CNTNAP5: variants seen among roughly 807,000 people sequenced by gnomAD.
CNTNAP5 encodes the protein contactin associated protein family member 5, also known as contactin-associated protein-like 5.
CNTNAP5 carries 72 observed loss-of-function variants against 150.2 expected under a neutral mutation model. The ratio of observed to expected loss-of-function variants is 0.48; its 90% CI spans 0.40 to 0.58. The LOEUF (loss-of-function observed/expected upper bound fraction) is 0.58, where lower values mean the gene tolerates loss of function less well. Ranked by LOEUF, CNTNAP5 falls within the 20% of genes least tolerant of loss-of-function variation. CNTNAP5 has a pLI of 0.00. For missense variants in CNTNAP5, 1,636 were observed against 1,626.2 expected (o/e 1.01, Z -0.10); for synonymous variants, 672 against 619.8 (o/e 1.08, Z -1.25).
In CNTNAP5 at chr2:124,262,765, C is replaced by T. The variant is rs146013767; in HGVS notation, c.381+20372C>T. The stretch of plus-strand genomic sequence containing the variant: ...GCTGCACCGATTAACTTGTCATTTA[C>T]ATTGGGTATATCTCCTAATGCTTTC... On this transcript the variant is annotated intron_variant, in intron 3 of 23. Transcript: ENST00000682447. Among the ~76,000 whole-genome samples the T allele has an allele frequency of 1.5e-3, 232 of 151,700 alleles. 4 individuals carry two copies. The East Asian group carries it at 0.042, about 28-fold the overall frequency.
At chr2:124,324,469 T>G (rs931004500) in intron 3 of CNTNAP5, among the ~76,000 whole-genome samples, 2 of 152,078 alleles carry the variant, frequency 1.3e-5, no homozygotes. Flanking sequence ...GGAGTGAGAT[T>G]TGCGGTAAAT....
intron 11 of CNTNAP5, among the ~76,000 whole-genome samples, chr2:124,578,644 C>T (rs774732527): frequency 1.4e-4 from 22 of 152,018 alleles, no homozygotes; most frequent in African/African-American, 5.1e-4. Flanking sequence ...CGGTGGTGCA[C>T]GCCTATAGTC....
intron 12 of CNTNAP5, among the ~76,000 whole-genome samples, chr2:124,610,688 C>T (rs957272663): frequency 1.3e-5 from 2 of 152,040 alleles, no homozygotes; most frequent in East Asian, 1.9e-4. Context: ...CAGCCAGGTG[C>T]GATGGCTCAC....
chr2:124,475,375 A>G (rs1420290318), intron 7 of CNTNAP5, among the ~76,000 whole-genome samples: 1 of 152,064 alleles, frequency 6.6e-6, no homozygotes, highest in African/African-American at 2.4e-5. Flanking sequence ...ATTAAGTAAC[A>G]TTTGTCTTCC....
intron 19 of CNTNAP5, among the ~76,000 whole-genome samples, chr2:124,818,433 G>A (rs1359799448): frequency 6.6e-6 from 1 of 152,136 alleles, no homozygotes; most frequent in Non-Finnish European, 1.5e-5. Flanking sequence ...AGGCAGAGGT[G>A]AGAGGATGAC....
At chr2:124,233,221 T>C (rs1686667709) in intron 2 of CNTNAP5, among the ~76,000 whole-genome samples, 1 of 152,100 alleles carries the variant, frequency 6.6e-6, no homozygotes, top group Non-Finnish European at 1.5e-5. Flanking sequence ...CTTTACAACA[T>C]TCTGGGAATC....
At chr2:124,202,862 C>T (rs1685764093) in intron 1 of CNTNAP5, among the ~76,000 whole-genome samples, 1 of 152,108 alleles carries the variant, frequency 6.6e-6, no homozygotes, top group Admixed American at 6.5e-5. Flanking sequence ...ATTATGGGAG[C>T]TACAATTCAA....
rs372020600 is a variant in CNTNAP5 at position 124,754,572 on chromosome 2, C to A, written c.2234+7187C>A. Among the ~76,000 whole-genome samples, 6 of 152,244 alleles carry A rather than the reference C, an allele frequency of 3.9e-5. No individual in the cohort carries two copies. In the East Asian group the frequency reaches 5.8e-4, roughly 15 times the overall value. ...GGGACATTTTCTCTCTCCCCATCCA[C>A]ACTTTCTAGTTATTTTCTGCTGTTT... On this transcript the variant is annotated intron_variant, in intron 14 of 23. Transcript: ENST00000682447.
chr2:124,876,671 T>C (rs1328320022), intron 21 of CNTNAP5, among the ~76,000 whole-genome samples: 1 of 152,090 alleles, frequency 6.6e-6, no homozygotes, highest in Non-Finnish European at 1.5e-5. Flanking sequence ...GATTATTTCA[T>C]TTTAAATGCA....
At chr2:124,775,873 CT>C (rs1379000446) in intron 17 of CNTNAP5, among the ~76,000 whole-genome samples, 1 of 152,136 alleles carries the variant, frequency 6.6e-6, no homozygotes, top group Non-Finnish European at 1.5e-5. Context: ...TTATTCCCCC[CT>C]AATGTGTCCA....
Position 124,677,777 on chromosome 2 carries a change from G to T in CNTNAP5, c.2077+29819G>T, listed in dbSNP as rs537690436. 2.6e-5 allele frequency among the ~76,000 whole-genome samples: 4 copies of T among 151,848 alleles called. No individual in the cohort carries two copies. The South Asian group carries it at 8.3e-4, about 32-fold the overall frequency. On this transcript the variant is annotated intron_variant, in intron 13 of 23. Coordinates refer to ENST00000682447, the MANE Select transcript of CNTNAP5 (RefSeq NM_001367498.1). ...ATCCTTTAGCTAGACACAGAGTGCT[G>T]ATTGGTGCGTTTACAATCCTCTAGC... is the stretch of plus-strand genomic sequence containing the variant.
chr2:124,840,654 C>T lies in CNTNAP5; in HGVS notation c.3218-24652C>T, dbSNP rs554423815. Among the ~76,000 whole-genome samples, 146 of 152,126 alleles carry T rather than the reference C, an allele frequency of 9.6e-4. 2 individuals carry two copies. In the South Asian group the frequency reaches 0.016, roughly 17 times the overall value. Reference sequence around the variant, plus strand: ...GCTTTCCACCTGATTGTCTTTATGCCGGTAAACAGGATTCTCTGCTTATGT... The same window carrying T: ...GCTTTCCACCTGATTGTCTTTATGCTGGTAAACAGGATTCTCTGCTTATGT... On this transcript the variant is annotated intron_variant, in intron 19 of 23. Transcript: ENST00000682447.
intron 3 of CNTNAP5, among the ~76,000 whole-genome samples, chr2:124,269,391 CT>C (rs1446728707): frequency 6.6e-6 from 1 of 152,008 alleles, no homozygotes; most frequent in African/African-American, 2.4e-5. Flanking sequence ...TCTTTGGGGT[CT>C]TGTTGAATTG....
chr2:124,336,339 G>A (rs997306298), intron 3 of CNTNAP5, among the ~76,000 whole-genome samples: 1 of 152,062 alleles, frequency 6.6e-6, no homozygotes, highest in Non-Finnish European at 1.5e-5. Flanking sequence ...TTATTCAGTA[G>A]CACTCTGTTT....
At chr2:124,688,878 T>C (rs574261829) in intron 13 of CNTNAP5, among the ~76,000 whole-genome samples, 41 of 152,200 alleles carry the variant, frequency 2.7e-4, no homozygotes, top group African/African-American at 9.1e-4. Flanking sequence ...TTATGAATAA[T>C]TCACAGGTAA....
rs967956928 is a variant in CNTNAP5 at position 124,916,069 on chromosome 2, A to G, written c.*1781A>G. On this transcript the variant is annotated 3_prime_UTR_variant, in exon 24 of 24. Transcript: ENST00000682447. ...AACTTAGTTGCTTCATTCCATTTCAAACACAGCTTTTCTTTCAGTTTCAGA... is the reference window on the plus strand; with the variant it reads ...AACTTAGTTGCTTCATTCCATTTCAGACACAGCTTTTCTTTCAGTTTCAGA... Among the ~76,000 whole-genome samples the G allele has an allele frequency of 1.3e-5, 2 of 152,028 alleles. No homozygotes were observed. The highest frequency in any genetic ancestry group is 6.6e-5 in the Admixed American group (1 of 15,246).
At chr2:124,651,400 C>T (rs1336834026) in intron 13 of CNTNAP5, among the ~76,000 whole-genome samples, 1 of 152,058 alleles carries the variant, frequency 6.6e-6, no homozygotes, top group Non-Finnish European at 1.5e-5. Flanking sequence ...ATTTAAATGG[C>T]CAATAATGAC....
intron 13 of CNTNAP5, among the ~76,000 whole-genome samples, chr2:124,733,181 A>G (rs1385016743): frequency 6.6e-6 from 1 of 152,122 alleles, no homozygotes; most frequent in African/African-American, 2.4e-5. Flanking sequence ...AGTAGGTAAT[A>G]AATATTCTTC....
At chr2:124,515,859 G>C (rs1300964520) in intron 8 of CNTNAP5, among the ~76,000 whole-genome samples, 1 of 152,190 alleles carries the variant, frequency 6.6e-6, no homozygotes, top group Admixed American at 6.5e-5. Context: ...CTTGATTAGA[G>C]AAAGAGTAGA....
Sources: gnomAD v4.1 joint callset for allele counts (sites outside exome capture counted in the v4.1 genomes callset) on GRCh38, gnomAD v4.1.1 for gene constraint, MANE v1.5 for transcripts, NCBI Gene and HGNC (gene_info 2026-07-23, HGNC 2026-07-21) for gene names.